Variants in POU5F2 observed in about 807,000 individuals in gnomAD.
The protein encoded by POU5F2 is POU domain, class 5, transcription factor 2.
For missense variants in POU5F2, 401 were observed against 426.6 expected, an observed-to-expected ratio of 0.94 and a Z score of 0.53; for synonymous variants, 191 against 178.7, an observed-to-expected ratio of 1.07 and a Z score of -0.55.
chr5:93,740,944 T>G lies in POU5F2; in HGVS notation c.620A>C (p.Gln207Pro). The change falls in exon 1 of 1, where the codon CAA becomes CCA. Residue 207 changes from glutamine to proline, a missense_variant. Coordinates refer to ENST00000606183, the MANE Select transcript of POU5F2 (RefSeq NM_153216.2). Reference sequence around the variant, plus strand: ...TGCCCGTCTCCACTTCCCAGACTGTTGCAGGATCATCTCCATTTTGCATAA... The same window carrying G: ...TGCCCGTCTCCACTTCCCAGACTGTGGCAGGATCATCTCCATTTTGCATAA... ...LGLCKMEMIL[Q>P]QSGKWRRASR... 6.2e-7 allele frequency: 1 copy of G among 1,613,990 alleles called. No individual in the cohort carries two copies. The highest frequency in any genetic ancestry group is 8.5e-7 in the Non-Finnish European group (1 of 1,179,886).
rs1746758508 is a variant in POU5F2, at chr5:93,734,330, A to G, written c.*6247T>C. On this transcript the variant is annotated 3_prime_UTR_variant, in exon 1 of 1. Coordinates refer to ENST00000606183, the MANE Select transcript of POU5F2 (RefSeq NM_153216.2). ...TCTAGAAAATATAGATTCAAAGAAA[A>G]CCAGAAATTACCTATTATATAGGTA... is the stretch of plus-strand genomic sequence containing the variant. 1 of 152,172 alleles carries G rather than the reference A, an allele frequency of 6.6e-6. No individual in the cohort carries two copies. The highest frequency in any genetic ancestry group is 1.5e-5 in the Non-Finnish European group (1 of 68,022). 9.4% of individuals were successfully genotyped at this position (152,172 alleles called of 1,614,324 possible).
At chr5:93,741,284 G>GT in the POU5F2 span, 5 of 1,613,660 alleles carry the variant, frequency 3.1e-6, no homozygotes, top group East Asian at 1.1e-4. Flanking sequence ...TCGGAGGGGC[G>GT]TCGCAACCAG....
Position 93,741,050 on chromosome 5 carries a change from G to A in POU5F2, c.514C>T (p.Leu172=), listed in dbSNP as rs760297101. The change falls in exon 1 of 1, where the codon CTA becomes TTA. Residue 172 remains leucine (L), a synonymous_variant. Coordinates refer to ENST00000606183, the MANE Select transcript of POU5F2 (RefSeq NM_153216.2). ...TTICRFEAQQ[L]SVANMWKLRP... ...AGCTTCCACATGTTGGCGACGCTTA[G>A]CTGCTGGGCCTCGAAGCGGCAGATG... is the stretch of plus-strand genomic sequence containing the variant. 9.5e-5 allele frequency: 154 copies of A among 1,613,800 alleles called. No individual in the cohort carries two copies. The highest frequency in any genetic ancestry group is 1.6e-5 in the Non-Finnish European group (19 of 1,179,976).
In POU5F2 at chr5:93,736,958, A is replaced by C. The variant is rs1459616739; in HGVS notation, c.*3619T>G. 6.6e-6 allele frequency: 1 copy of C among 152,158 alleles called. No individual in the cohort carries two copies. The highest frequency in any genetic ancestry group is 1.5e-5 in the Non-Finnish European group (1 of 68,018). The allele number at this position is 152,158 out of a possible 1,614,324, so 9.4% of individuals were successfully genotyped here. ...AGTACTACACATTTTTGCCAGAGCA[A>C]GTGAGTAAGAAAAAGAAAGGGTATC... is the stretch of plus-strand genomic sequence containing the variant. On this transcript the variant is annotated 3_prime_UTR_variant, in exon 1 of 1. Transcript: ENST00000606183.
At position 93,740,966 on chromosome 5, in the gene POU5F2, A is replaced by G. The variant is rs1225706097; in HGVS notation, c.598T>C (p.Cys200Arg). Residue 200 changes from cysteine (C) to arginine (R), a missense_variant, in exon 1 of 1, where the codon TGC becomes CGC. Transcript: ENST00000606183. ...EVEAENLLGL[C>R]KMEMILQQSG... The stretch of plus-strand genomic sequence containing the variant: ...TGTTGCAGGATCATCTCCATTTTGC[A>G]TAAGCCCAGAAGGTTCTCTGCTTCC... 2 of 1,613,736 alleles carry G rather than the reference A, an allele frequency of 1.2e-6. No homozygotes were observed. The highest frequency in any genetic ancestry group is 1.7e-6 in the Non-Finnish European group (2 of 1,179,882).
rs1748344261 is a variant in POU5F2, at chr5:93,741,135, C to T, written c.429G>A (p.Ser143=). Reference sequence around the variant, plus strand: ...CCACAGCGATCCCCACATCGGCCTGCGAGTACCCTAGGCTCAACCTCTTCT... The same window carrying T: ...CCACAGCGATCCCCACATCGGCCTGTGAGTACCCTAGGCTCAACCTCTTCT... The part of the protein sequence containing the change: ...LRQKRLSLGY[S]QADVGIAVGA... Residue 143 remains serine (S), a synonymous_variant, in exon 1 of 1, where the codon TCG becomes TCA. Coordinates refer to ENST00000606183, the MANE Select transcript of POU5F2 (RefSeq NM_153216.2). The T allele has an allele frequency of 8.7e-6, 14 of 1,613,854 alleles. No homozygotes were observed. The highest frequency in any genetic ancestry group is 1.3e-5 in the African/African-American group (1 of 75,048).
In POU5F2 at chr5:93,738,076, A is replaced by G. The variant is rs908895433; in HGVS notation, c.*2501T>C. ...AATACTTGCAAACCATCTATCTGATAAGGGCTTAATATCCAGACTCTATGA... is the reference window on the plus strand; with the variant it reads ...AATACTTGCAAACCATCTATCTGATGAGGGCTTAATATCCAGACTCTATGA... On this transcript the variant is annotated 3_prime_UTR_variant, in exon 1 of 1. Coordinates refer to ENST00000606183, the MANE Select transcript of POU5F2 (RefSeq NM_153216.2). 3.2e-6 allele frequency: 1 copy of G among 309,262 alleles called. No homozygotes were observed. The highest frequency in any genetic ancestry group is 2.2e-5 in the African/African-American group (1 of 44,884). 19.2% of individuals were successfully genotyped at this position (309,262 alleles called of 1,614,324 possible). A position where few individuals can be genotyped will look rare whatever the true frequency, so the allele number is the denominator to read the frequency against.
rs1748428366 is a variant in POU5F2, at chr5:93,741,371, G to C, written c.193C>G (p.Leu65Val). Reference protein sequence around the residue: ...CPGPDVWRIPLGPLPHEFRGW... With the variant: ...CPGPDVWRIPVGPLPHEFRGW... ...CGGAATTCGTGTGGCAGGGGACCCA[G>C]GGGAATCCTCCACACGTCAGGGCCT... The change falls in exon 1 of 1, where the codon CTG (leucine) becomes GTG (valine). Residue 65 changes from leucine to valine, a missense_variant. Coordinates refer to ENST00000606183, the MANE Select transcript of POU5F2 (RefSeq NM_153216.2). 3 of 1,611,898 alleles carry C rather than the reference G, an allele frequency of 1.9e-6. No homozygotes were observed. In the African/African-American group the frequency reaches 4.0e-5, roughly 21 times the overall value.
Position 93,733,540 on chromosome 5 carries a change from T to C in POU5F2, c.*7037A>G, listed in dbSNP as rs1746584461. 1.3e-5 allele frequency: 2 copies of C among 152,268 alleles called. No individual in the cohort carries two copies. The highest frequency in any genetic ancestry group is 4.1e-4 in the South Asian group (2 of 4,824). 9.4% of individuals were successfully genotyped at this position (152,268 alleles called of 1,614,324 possible). A position where few individuals can be genotyped will look rare whatever the true frequency, so the allele number is the denominator to read the frequency against. On this transcript the variant is annotated 3_prime_UTR_variant, in exon 1 of 1. Transcript: ENST00000606183. ...TTATAAAAATTCTTAAAAGTTGAAA[T>C]GATGGGCCAATGGAAATGCACATTT...
Position 93,740,427 on chromosome 5 carries a change from C to A in POU5F2, c.*150G>T. On this transcript the variant is annotated 3_prime_UTR_variant, in exon 1 of 1. Coordinates refer to ENST00000606183, the MANE Select transcript of POU5F2 (RefSeq NM_153216.2). ...CCAGGTTTTTCTTGAACAATTCCCA[C>A]CCCCATTCCCTACTATGTATCCTTA... The A allele has an allele frequency of 1.2e-6, 1 of 801,152 alleles. No individual in the cohort carries two copies. The highest frequency in any genetic ancestry group is 1.9e-6 in the Non-Finnish European group (1 of 520,272). 49.6% of individuals were successfully genotyped at this position (801,152 alleles called of 1,614,324 possible).
rs1315035720 is a variant in POU5F2, at chr5:93,734,772, T to TTAGTTATTGAAATGATATGG, written c.*5785_*5804dup. On this transcript the variant is annotated 3_prime_UTR_variant, in exon 1 of 1. Coordinates refer to ENST00000606183, the MANE Select transcript of POU5F2 (RefSeq NM_153216.2). ...TATTACTAAAGGTATCAATGGCATC[T>TTAGTTATTGAAATGATATGG]TAGTTATTGAAATGATATGGCTTAG... is the stretch of plus-strand genomic sequence containing the variant. The TTAGTTATTGAAATGATATGG allele has an allele frequency of 1.3e-5, 2 of 152,156 alleles. No homozygotes were observed. Among genetic ancestry groups the TTAGTTATTGAAATGATATGG allele is most frequent in the Non-Finnish European group, 2.9e-5 (2 of 68,008 alleles). The allele number at this position is 152,156 out of a possible 1,614,324, so 9.4% of individuals were successfully genotyped here. A position where few individuals can be genotyped will look rare whatever the true frequency, so the allele number is the denominator to read the frequency against.
chr5:93,741,391 G>A lies in POU5F2; in HGVS notation c.173C>T (p.Pro58Leu). The A allele has an allele frequency of 6.2e-7, 1 of 1,613,138 alleles. No individual in the cohort carries two copies. The highest frequency in any genetic ancestry group is 8.5e-7 in the Non-Finnish European group (1 of 1,179,666). The change falls in exon 1 of 1, where the codon CCT becomes CTT. Residue 58 changes from proline (P) to leucine (L), a missense_variant. By Grantham distance (98) the Pro-to-Leu change is moderately conservative. Coordinates refer to ENST00000606183, the MANE Select transcript of POU5F2 (RefSeq NM_153216.2). Reference sequence around the variant, plus strand: ...ACCCAGGGGAATCCTCCACACGTCAGGGCCTGGGCAGATCCCTGGCCTGAC... The same window carrying A: ...ACCCAGGGGAATCCTCCACACGTCAAGGCCTGGGCAGATCCCTGGCCTGAC... ...PAVRPGICPG[P>L]DVWRIPLGPL...
At position 93,741,019 on chromosome 5, in the gene POU5F2, G is replaced by T; in HGVS notation, c.545C>A (p.Pro182Gln). ...TTCCTTCAGCCACTTTTTCAGCAGT[G>T]GTCGCAGCTTCCACATGTTGGCGAC... Reference protein sequence around the residue: ...LSVANMWKLRPLLKKWLKEVE... With the variant: ...LSVANMWKLRQLLKKWLKEVE... Residue 182 changes from proline (P) to glutamine (Q), a missense_variant, in exon 1 of 1, where the codon CCA (proline) becomes CAA (glutamine). By Grantham distance (76) the Pro-to-Gln change is moderately conservative. Transcript: ENST00000606183. 6.2e-7 allele frequency: 1 copy of T among 1,613,810 alleles called. No homozygotes were observed. The highest frequency in any genetic ancestry group is 8.5e-7 in the Non-Finnish European group (1 of 1,179,904).
rs1554064001 is a variant in POU5F2, at chr5:93,737,470, G to GTT, written c.*3106_*3107insAA. On this transcript the variant is annotated 3_prime_UTR_variant, in exon 1 of 1. Coordinates refer to ENST00000606183, the MANE Select transcript of POU5F2 (RefSeq NM_153216.2). ...TATGAAATTTCAAGTAACCCACAAT[G>GTT]GTGTGTGTGTGTATATATACATATG... 4 of 151,544 alleles carry GTT rather than the reference G, an allele frequency of 2.6e-5. No homozygotes were observed. The highest frequency in any genetic ancestry group is 9.7e-5 in the African/African-American group (4 of 41,208). The allele number at this position is 151,544 out of a possible 1,614,324, so 9.4% of individuals were successfully genotyped here. A position where few individuals can be genotyped will look rare whatever the true frequency, so the allele number is the denominator to read the frequency against.
chr5:93,740,401 C>G lies in POU5F2; in HGVS notation c.*176G>C. On this transcript the variant is annotated 3_prime_UTR_variant, in exon 1 of 1. Coordinates refer to ENST00000606183, the MANE Select transcript of POU5F2 (RefSeq NM_153216.2). ...AACTGCAATAAACTTCATCTTCTCTCCCAGGTTTTTCTTGAACAATTCCCA... is the reference window on the plus strand; with the variant it reads ...AACTGCAATAAACTTCATCTTCTCTGCCAGGTTTTTCTTGAACAATTCCCA... 1 of 644,124 alleles carries G rather than the reference C, an allele frequency of 1.6e-6. No homozygotes were observed. Among genetic ancestry groups the G allele is most frequent in the Non-Finnish European group, 2.6e-6 (1 of 389,936 alleles). 39.9% of individuals were successfully genotyped at this position (644,124 alleles called of 1,614,324 possible).
chr5:93,741,557 C>A, the POU5F2 span: 1 of 1,557,660 alleles, frequency 6.4e-7, no homozygotes, highest in Non-Finnish European at 8.7e-7. Context: ...GGCCTGTGTC[C>A]GGCCATGGGT....
At position 93,737,849 on chromosome 5, in the gene POU5F2, A is replaced by G. The variant is rs1470919786; in HGVS notation, c.*2728T>C. 1.2e-5 allele frequency: 5 copies of G among 421,906 alleles called. No homozygotes were observed. The highest frequency in any genetic ancestry group is 2.1e-5 in the African/African-American group (1 of 47,652). 26.1% of individuals were successfully genotyped at this position (421,906 alleles called of 1,614,324 possible). On this transcript the variant is annotated 3_prime_UTR_variant, in exon 1 of 1. Transcript: ENST00000606183. ...ACAAAAATTAACTTGAAATGGATCA[A>G]AGTCCTAAATTTAATAAATAAAACT...
chr5:93,740,735 T>A lies in POU5F2; in HGVS notation c.829A>T (p.Ile277Phe), dbSNP rs758168668. Reference sequence around the variant, plus strand: ...CAAGGAGGCCCGGCTGTCCCCACAATCTCCCGTGGGGAAGCATCATTGGTT... The same window carrying A: ...CAAGGAGGCCCGGCTGTCCCCACAAACTCCCGTGGGGAAGCATCATTGGTT... Reference protein sequence around the residue: ...RPTNDASPREIVGTAGPPCPG... With the variant: ...RPTNDASPREFVGTAGPPCPG... Residue 277 changes from isoleucine (I) to phenylalanine (F), a missense_variant, in exon 1 of 1, where the codon ATT (isoleucine) becomes TTT (phenylalanine). Transcript: ENST00000606183. 1.9e-6 allele frequency: 3 copies of A among 1,612,868 alleles called. No homozygotes were observed. In the East Asian group the frequency reaches 6.7e-5, roughly 36 times the overall value.
rs1204174987 is a variant in POU5F2 at position 93,740,549 on chromosome 5, C to T, written c.*28G>A. On this transcript the variant is annotated 3_prime_UTR_variant, in exon 1 of 1. Transcript: ENST00000606183. ...TTTCCCTTCTTCTCCCCTCTCCAAC[C>T]GTGCCGTGAAGGGCAAGCCCCTCAG... is the stretch of plus-strand genomic sequence containing the variant. The T allele has an allele frequency of 1.5e-5, 23 of 1,560,780 alleles. No individual in the cohort carries two copies. Among genetic ancestry groups the T allele is most frequent in the South Asian group, 7.2e-5 (6 of 83,640 alleles).
Sources: gnomAD v4.1 joint callset for allele counts on GRCh38, gnomAD v4.1.1 for gene constraint, MANE v1.5 for transcripts, NCBI Gene and HGNC (gene_info 2026-07-23, HGNC 2026-07-21) for gene names.